PXDNL: variants seen among roughly 807,000 people sequenced by gnomAD.
PXDNL encodes probable oxidoreductase PXDNL.
Under a neutral mutation model 150.8 loss-of-function variants are expected in PXDNL, and 145 were observed. The ratio of observed to expected loss-of-function variants is 0.96; its 90% CI spans 0.84 to 1.10. PXDNL has a LOEUF of 1.10. PXDNL is among the 50% of genes least tolerant of loss of function. PXDNL has a pLI of 0.00. For missense variants in PXDNL, 2,087 were observed against 1,873.9 expected (o/e 1.11, Z -2.10); for synonymous variants, 757 against 725.7 (o/e 1.04, Z -0.69).
intron 3 of PXDNL, among the ~76,000 whole-genome samples, chr8:51,576,621 A>T (rs1221021498): frequency 6.6e-6 from 1 of 151,894 alleles, no homozygotes; most frequent in Non-Finnish European, 1.5e-5. Context: ...CATAGAATAC[A>T]AGAGCAAAAT....
intron 4 of PXDNL, among the ~76,000 whole-genome samples, chr8:51,525,945 C>G (rs564783229): frequency 6.6e-6 from 1 of 152,330 alleles, no homozygotes; most frequent in South Asian, 2.1e-4. Flanking sequence ...GAATACTGCG[C>G]TGTGTGTCAA....
At chr8:51,326,122 C>G (rs1412493257) in intron 21 of PXDNL, among the ~76,000 whole-genome samples, 2 of 152,192 alleles carry the variant, frequency 1.3e-5, no homozygotes, top group Admixed American at 6.5e-5. Context: ...CCTGATCAGT[C>G]TGCTTTCTTG....
At chr8:51,395,971 A>G (rs1480041214) in intron 17 of PXDNL, among the ~76,000 whole-genome samples, 3 of 152,180 alleles carry the variant, frequency 2.0e-5, no homozygotes, top group African/African-American at 4.8e-5. Flanking sequence ...TTGTTTTTCT[A>G]AAGGAAGATT....
intron 4 of PXDNL, among the ~76,000 whole-genome samples, chr8:51,514,935 G>T (rs1811503333): frequency 6.6e-6 from 1 of 152,228 alleles, no homozygotes; most frequent in African/African-American, 2.4e-5. Flanking sequence ...ACACATTGGA[G>T]AAACATACTT....
chr8:51,415,328 C>T (rs1264919954), intron 14 of PXDNL, among the ~76,000 whole-genome samples: 1 of 152,128 alleles, frequency 6.6e-6, no homozygotes, highest in African/African-American at 2.4e-5. Context: ...GTTTAATTGG[C>T]TTACAGTTCC....
At chr8:51,661,446 G>T (rs1036641030) in intron 1 of PXDNL, among the ~76,000 whole-genome samples, 1 of 152,176 alleles carries the variant, frequency 6.6e-6, no homozygotes, top group African/African-American at 2.4e-5. Context: ...AGTGGGCTTT[G>T]AGTAAAGCAG....
chr8:51,676,113 A>G (rs1195365745), intron 1 of PXDNL, among the ~76,000 whole-genome samples: 1 of 152,172 alleles, frequency 6.6e-6, no homozygotes, highest in Admixed American at 6.5e-5. Flanking sequence ...TCCTCAGTAA[A>G]TGTGCCTTAT....
rs1375704994 is a variant in PXDNL at position 51,320,818 on chromosome 8, C to G, written c.4226G>C (p.Trp1409Ser). Residue 1409 changes from tryptophan to serine, a missense_variant, in exon 22 of 23, where the codon TGG (tryptophan) becomes TCG (serine). By Grantham distance (177) the Trp-to-Ser change is radical. Coordinates refer to ENST00000356297, the MANE Select transcript of PXDNL (RefSeq NM_144651.5). ...GCAGTGAGTGCAGTCTTCTTTCATC[C>G]AGCGCTCCTCGGCCTTCCTTGGAAC... ...RGVPRKAEER[W>S]MKEDCTHCIC... The G allele has an allele frequency of 3.1e-6, 5 of 1,613,816 alleles. No individual in the cohort carries two copies. Among genetic ancestry groups the G allele is most frequent in the Admixed American group, 3.3e-5 (2 of 59,994 alleles).
chr8:51,715,328 CAG>C (rs1816592285), intron 1 of PXDNL, among the ~76,000 whole-genome samples: 2 of 152,140 alleles, frequency 1.3e-5, no homozygotes, highest in African/African-American at 4.8e-5. Context: ...AATGGCAAAA[CAG>C]AGAGGGTGAG....
intron 2 of PXDNL, among the ~76,000 whole-genome samples, chr8:51,623,412 G>A (rs1293448784): frequency 6.6e-6 from 1 of 152,216 alleles, no homozygotes; most frequent in Non-Finnish European, 1.5e-5. Context: ...AAGAGGTGGT[G>A]GTAAGTGTCG....
chr8:51,411,523 C>T, intron 15 of PXDNL, 116 bp from the exon 16 acceptor site: 1 of 919,978 alleles, frequency 1.1e-6, no homozygotes, highest in Non-Finnish European at 1.5e-6. Flanking sequence ...AATGAAAGCT[C>T]CACCACTACA....
chr8:51,510,194 C>T (rs962054609), intron 4 of PXDNL, among the ~76,000 whole-genome samples: 2 of 152,038 alleles, frequency 1.3e-5, no homozygotes, highest in South Asian at 4.2e-4. Context: ...ACAGAGCCAG[C>T]GAGAGAAGGA....
At chr8:51,426,334 C>G (rs534547743) in intron 13 of PXDNL, among the ~76,000 whole-genome samples, 1 of 152,076 alleles carries the variant, frequency 6.6e-6, no homozygotes, top group Non-Finnish European at 1.5e-5. Context: ...TCTTATTAGC[C>G]ACTAAACTCT....
intron 1 of PXDNL, among the ~76,000 whole-genome samples, chr8:51,720,299 T>A (rs965847172): frequency 6.6e-6 from 1 of 152,078 alleles, no homozygotes; most frequent in Non-Finnish European, 1.5e-5. Context: ...TCTGAATTGT[T>A]TTTTTAAAGC....
intron 1 of PXDNL, among the ~76,000 whole-genome samples, chr8:51,753,038 C>A (rs1362592319): frequency 2.0e-5 from 3 of 152,170 alleles, no homozygotes; most frequent in Non-Finnish European, 4.4e-5. Flanking sequence ...TGCCATTCGT[C>A]CTGCACATCA....
chr8:51,712,140 T>C (rs541866900), intron 1 of PXDNL, among the ~76,000 whole-genome samples: 63 of 152,308 alleles, frequency 4.1e-4, no homozygotes, highest in African/African-American at 1.5e-3. Flanking sequence ...TGGCATGTCA[T>C]TGTCTGGGTG....
intron 8 of PXDNL, among the ~76,000 whole-genome samples, chr8:51,461,203 G>A (rs960705897): frequency 6.6e-6 from 1 of 152,230 alleles, no homozygotes; most frequent in Non-Finnish European, 1.5e-5. Context: ...TGAGATCTGT[G>A]ACTAGAGATT....
rs1812367800 is a variant in PXDNL, at chr8:51,546,703, G to C, written c.380+10137C>G. ...GGTGCAGGCAGGCAGGGAGGGGCGA[G>C]GCCTGAGACCCCTACTTGCTTTCTC... On this transcript the variant is annotated intron_variant, in intron 4 of 22. Transcript: ENST00000356297. Among the ~76,000 whole-genome samples, 3 of 152,152 alleles carry C rather than the reference G, an allele frequency of 2.0e-5. No homozygotes were observed. The South Asian group carries it at 6.2e-4, about 31-fold the overall frequency.
At chr8:51,350,205 G>A (rs10092567) in intron 19 of PXDNL, among the ~76,000 whole-genome samples, 89 of 152,146 alleles carry the variant, frequency 5.8e-4, no homozygotes, top group Middle Eastern at 3.4e-3. Flanking sequence ...GGTTTGGGAC[G>A]GAATGCAATC....
Sources: gnomAD v4.1 joint callset for allele counts (sites outside exome capture counted in the v4.1 genomes callset) on GRCh38, gnomAD v4.1.1 for gene constraint, MANE v1.5 for transcripts, NCBI Gene and HGNC (gene_info 2026-07-23, HGNC 2026-07-21) for gene names.